The following EYA2 variants were observed in gnomAD, a reference collection of about 807,000 sequenced individuals.
EYA2 encodes EYA transcriptional coactivator and phosphatase 2.
A neutral mutation model predicts 69.2 loss-of-function variants in EYA2; 31 were observed. The ratio of observed to expected loss-of-function variants is 0.45; its 90% CI spans 0.34 to 0.60. EYA2 has a LOEUF of 0.60. Ranked by LOEUF, EYA2 falls within the 20% of genes least tolerant of loss-of-function variation. The pLI is 0.02. For synonymous variants in EYA2, 257 were observed against 279.4 expected (o/e 0.92, Z 0.80); for missense variants, 622 against 701.2 (o/e 0.89, Z 1.28).
intron 1 of EYA2, among the ~76,000 whole-genome samples, chr20:46,931,485 C>G (rs1985664452): frequency 6.6e-6 from 1 of 152,184 alleles, no homozygotes; most frequent in African/African-American, 2.4e-5. Flanking sequence ...CTCTTTGGCT[C>G]TCAGTTTTCT....
In EYA2 at chr20:46,943,188, G is replaced by T. The variant is rs539341492; in HGVS notation, c.-10-46813G>T. 2.6e-5 allele frequency among the ~76,000 whole-genome samples: 4 copies of T among 152,262 alleles called. No homozygotes were observed. The South Asian group carries it at 6.2e-4, about 24-fold the overall frequency. On this transcript the variant is annotated intron_variant, in intron 1 of 15. Coordinates refer to ENST00000327619, the MANE Select transcript of EYA2 (RefSeq NM_005244.5). ...CACATCTAGAGGGGAGGCGTGCTGC[G>T]GGCGCCTAGTGGGTAGAGGTCAGGG...
chr20:47,041,179 G>A (rs572677884), intron 5 of EYA2, among the ~76,000 whole-genome samples: 3 of 152,310 alleles, frequency 2.0e-5, no homozygotes, highest in Non-Finnish European at 2.9e-5. Context: ...TCTGATTTCT[G>A]TTCTCTAGTG....
chr20:46,924,453 G>A (rs1166394239), intron 1 of EYA2, among the ~76,000 whole-genome samples: 3 of 152,086 alleles, frequency 2.0e-5, no homozygotes, highest in East Asian at 1.9e-4. Context: ...GGTGGATCGC[G>A]AGGTCAGGAG....
chr20:47,026,767 C>G (rs1984111247), intron 5 of EYA2, among the ~76,000 whole-genome samples: 1 of 152,158 alleles, frequency 6.6e-6, no homozygotes, highest in Admixed American at 6.5e-5. Context: ...AACCCCCCAC[C>G]AACGCTGGGG....
At chr20:46,987,595 T>C (rs1981315270) in intron 1 of EYA2, among the ~76,000 whole-genome samples, 1 of 152,112 alleles carries the variant, frequency 6.6e-6, no homozygotes. Flanking sequence ...GTACAGTTGG[T>C]TCCAATTCAA....
At position 47,171,268 on chromosome 20, in the gene EYA2, T is replaced by C. The variant is rs1028100017; in HGVS notation, c.1038-1439T>C. Reference sequence around the variant, plus strand: ...GCTGTTTGGTACCTCACTTTGAGAATTCTCAGCCCAAGGGTGTTTTCTTCC... The same window carrying C: ...GCTGTTTGGTACCTCACTTTGAGAACTCTCAGCCCAAGGGTGTTTTCTTCC... On this transcript the variant is annotated intron_variant, in intron 11 of 15. Transcript: ENST00000327619. Among the ~76,000 whole-genome samples, 36 of 152,372 alleles carry C rather than the reference T, an allele frequency of 2.4e-4. 1 individual carries two copies. The highest frequency in any genetic ancestry group is 1.9e-4 in the African/African-American group (8 of 41,594).
chr20:47,158,785 C>T (rs2034007359), intron 10 of EYA2, among the ~76,000 whole-genome samples: 1 of 151,740 alleles, frequency 6.6e-6, no homozygotes, highest in South Asian at 2.1e-4. Flanking sequence ...CAGGATCCAA[C>T]TGAAAAGAGT....
intron 5 of EYA2, among the ~76,000 whole-genome samples, chr20:47,049,938 C>G (rs2030243793): frequency 6.8e-6 from 1 of 147,630 alleles, no homozygotes; most frequent in Non-Finnish European, 1.5e-5. Flanking sequence ...GACATTTTGG[C>G]AGTTGTCCCT....
intron 8 of EYA2, among the ~76,000 whole-genome samples, chr20:47,094,208 T>G (rs2032179054): frequency 6.6e-6 from 1 of 152,206 alleles, no homozygotes; most frequent in East Asian, 1.9e-4. Context: ...CTGCACTAAA[T>G]TTGAAAATAT....
At chr20:47,152,935 AAG>A (rs1331342046) in intron 10 of EYA2, among the ~76,000 whole-genome samples, 2 of 151,562 alleles carry the variant, frequency 1.3e-5, no homozygotes, top group African/African-American at 4.9e-5. Context: ...TCTGTCTCAA[AAG>A]AAAAAAAAAA....
chr20:47,061,315 C>T (rs1175400174), intron 5 of EYA2, among the ~76,000 whole-genome samples: 2 of 152,072 alleles, frequency 1.3e-5, no homozygotes, highest in Admixed American at 6.6e-5. Context: ...TCCCTTGAGT[C>T]CAGGAGTTTG....
intron 9 of EYA2, among the ~76,000 whole-genome samples, chr20:47,099,863 A>T (rs186445372): frequency 4.5e-4 from 69 of 152,280 alleles, no homozygotes; most frequent in African/African-American, 1.6e-3. Context: ...TATAAGCACC[A>T]TAAGGGCAGA....
intron 9 of EYA2, among the ~76,000 whole-genome samples, chr20:47,118,855 G>A (rs933082954): frequency 5.9e-5 from 9 of 152,110 alleles, no homozygotes; most frequent in South Asian, 2.1e-4. Flanking sequence ...GACTTCCTTC[G>A]CCAACTTCCC....
chr20:47,187,995 G>T (rs568374655), intron 15 of EYA2, 58 bp from the exon 16 acceptor site: 9 of 1,532,482 alleles, frequency 5.9e-6, no homozygotes, highest in Non-Finnish European at 7.1e-6. Flanking sequence ...AACCACAGGC[G>T]TGGAACCCGG....
intron 5 of EYA2, among the ~76,000 whole-genome samples, chr20:47,069,216 G>A (rs939571940): frequency 2.6e-5 from 4 of 152,154 alleles, no homozygotes; most frequent in South Asian, 2.1e-4. Context: ...ACCATAGGCC[G>A]GGCTCAGTGG....
intron 1 of EYA2, among the ~76,000 whole-genome samples, chr20:46,947,604 T>C (rs1771147201): frequency 6.6e-6 from 1 of 152,212 alleles, no homozygotes; most frequent in South Asian, 2.1e-4. Context: ...TATTTATTGC[T>C]CCTGCTCCAC....
At chr20:47,127,645 T>C (rs925372389) in intron 9 of EYA2, among the ~76,000 whole-genome samples, 3 of 152,212 alleles carry the variant, frequency 2.0e-5, no homozygotes, top group African/African-American at 7.2e-5. Flanking sequence ...GAGGGATGTG[T>C]TCAGAGATCT....
At chr20:47,099,042 G>A (rs1393767574) in intron 9 of EYA2, among the ~76,000 whole-genome samples, 1 of 152,174 alleles carries the variant, frequency 6.6e-6, no homozygotes, top group African/African-American at 2.4e-5. Flanking sequence ...AAGTAGTGGG[G>A]AATTCAGGCA....
At chr20:47,059,174 C>G (rs894437457) in intron 5 of EYA2, among the ~76,000 whole-genome samples, 3 of 152,076 alleles carry the variant, frequency 2.0e-5, no homozygotes, top group Non-Finnish European at 2.9e-5. Flanking sequence ...GGATGGTGAG[C>G]GGGGAGGGAC....
Sources: allele counts gnomAD v4.1 joint callset (sites outside exome capture counted in the v4.1 genomes callset), GRCh38; gene constraint gnomAD v4.1.1; transcripts MANE v1.5; gene names NCBI Gene and HGNC (gene_info 2026-07-23, HGNC 2026-07-21).